The following RAP1A variants were observed in gnomAD, a reference collection of about 807,000 sequenced individuals.
RAP1A encodes RAP1A, member of RAS oncogene family.
In RAP1A, 6 loss-of-function variants were observed where a neutral mutation model predicts 26.4. That is an observed-to-expected ratio of 0.23 (90% CI 0.12 to 0.45). The LOEUF (loss-of-function observed/expected upper bound fraction) is 0.45. Among genes scored for constraint, RAP1A ranks in the 20% least tolerant of loss-of-function variants. The pLI is 0.99. For synonymous variants in RAP1A, 73 were observed against 79.4 expected, an observed-to-expected ratio of 0.92 and a Z score of 0.43; for missense variants, 121 against 217.2, an observed-to-expected ratio of 0.56 and a Z score of 2.78.
rs190645143 is a variant in RAP1A, at chr1:111,687,253, G to A, written c.-27-4081G>A. On this transcript the variant is annotated intron_variant, in intron 1 of 7. Transcript: ENST00000369709. ...CATGGAGTCTCGCTCTGTTGCCCAG[G>A]GTGGAGTGCAGTGGCATAATCTTGG... Among the ~76,000 whole-genome samples the A allele has an allele frequency of 6.0e-4, 91 of 150,506 alleles. 1 individual carries two copies. The highest frequency in any genetic ancestry group is 1.5e-5 in the Non-Finnish European group (1 of 67,782).
intron 6 of RAP1A, chr1:111,706,671 A>G (rs548615279): frequency 1.3e-4 from 127 of 973,570 alleles, no homozygotes; most frequent in South Asian, 2.8e-4. Flanking sequence ...AGATTTTTCT[A>G]TAGTTCAGAG....
chr1:111,573,711 A>G (rs1053345538), intron 1 of RAP1A, among the ~76,000 whole-genome samples: 1 of 152,088 alleles, frequency 6.6e-6, no homozygotes, highest in Non-Finnish European at 1.5e-5. Flanking sequence ...TTCTCTAATG[A>G]TCAGTGATAT....
intron 1 of RAP1A, among the ~76,000 whole-genome samples, chr1:111,592,517 G>A (rs145687170): frequency 5.3e-5 from 8 of 152,284 alleles, no homozygotes; most frequent in Admixed American, 2.6e-4. Context: ...TGTAGGCCAC[G>A]CTTGACAGTC....
At chr1:111,583,679 TA>T (rs1432128820) in intron 1 of RAP1A, among the ~76,000 whole-genome samples, 1 of 151,960 alleles carries the variant, frequency 6.6e-6, no homozygotes, top group African/African-American at 2.4e-5. Flanking sequence ...AAAGCTGAAC[TA>T]AAAAATAGAC....
Position 111,608,424 on chromosome 1 carries a change from G to A in RAP1A, c.-28+65915G>A, listed in dbSNP as rs562585620. 59 of 168,168 alleles carry A rather than the reference G, an allele frequency of 3.5e-4. No individual in the cohort carries two copies. In the South Asian group the frequency reaches 4.1e-3, roughly 12 times the overall value. 10.4% of individuals were successfully genotyped at this position (168,168 alleles called of 1,614,324 possible). A position where few individuals can be genotyped will look rare whatever the true frequency, so the allele number is the denominator to read the frequency against. ...CGCTCCTCACTTTCCAGACTGGGCA[G>A]CCAGGCAGAGGGGCTCCTCACGTCC... is the stretch of plus-strand genomic sequence containing the variant. On this transcript the variant is annotated intron_variant, in intron 1 of 7. Coordinates refer to the RAP1A transcript ENST00000356415.
intron 1 of RAP1A, among the ~76,000 whole-genome samples, chr1:111,640,559 G>A (rs1557874645): frequency 6.6e-6 from 1 of 152,142 alleles, no homozygotes; most frequent in Non-Finnish European, 1.5e-5. Flanking sequence ...TTTCAGGAAA[G>A]TATTAAATAA....
At chr1:111,628,585 C>T (rs1659471510) in intron 1 of RAP1A, among the ~76,000 whole-genome samples, 3 of 152,018 alleles carry the variant, frequency 2.0e-5, no homozygotes, top group South Asian at 2.1e-4. Context: ...CAGATGAATT[C>T]GCTTGTAGAG....
intron 1 of RAP1A, among the ~76,000 whole-genome samples, chr1:111,578,856 T>G (rs1658195057): frequency 6.6e-6 from 1 of 152,240 alleles, no homozygotes; most frequent in African/African-American, 2.4e-5. Context: ...ACCAACCGGC[T>G]ATAAACTGAG....
rs1657438873 is a variant in RAP1A at position 111,555,303 on chromosome 1, T to C, written c.-28+12794T>C. 2.2e-5 allele frequency among the ~76,000 whole-genome samples: 3 copies of C among 138,464 alleles called. No homozygotes were observed. In the Admixed American group the frequency reaches 2.4e-4, roughly 11 times the overall value. 90.8% of individuals were successfully genotyped at this position (138,464 alleles called of 152,430 possible). On this transcript the variant is annotated intron_variant, in intron 1 of 7. Coordinates refer to the RAP1A transcript ENST00000356415. ...ATTGCTTGAACCCAGGAGGCTGAGG[T>C]TGCAGTGAGCCAAGATTGTGCCACT...
At chr1:111,687,220 T>A (rs1661512615) in intron 1 of RAP1A, among the ~76,000 whole-genome samples, 1 of 151,360 alleles carries the variant, frequency 6.6e-6, no homozygotes, top group South Asian at 2.1e-4. Flanking sequence ...TTTTTTTTTT[T>A]TTTTTGACAT....
intron 1 of RAP1A, among the ~76,000 whole-genome samples, chr1:111,561,201 G>A (rs1657722577): frequency 6.6e-6 from 1 of 152,204 alleles, no homozygotes. Flanking sequence ...GTGGCTCACT[G>A]CATCCTCAAC....
chr1:111,594,279 C>T (rs1658520984), intron 1 of RAP1A, among the ~76,000 whole-genome samples: 1 of 151,966 alleles, frequency 6.6e-6, no homozygotes, highest in Non-Finnish European at 1.5e-5. Context: ...AGATTCACAC[C>T]CTAGGCAACA....
intron 1 of RAP1A, among the ~76,000 whole-genome samples, chr1:111,591,893 T>C (rs1163310898): frequency 1.3e-5 from 2 of 152,208 alleles, no homozygotes; most frequent in Non-Finnish European, 2.9e-5. Flanking sequence ...AATCATGAGA[T>C]TTATCATGAA....
intron 1 of RAP1A, among the ~76,000 whole-genome samples, chr1:111,580,649 C>T (rs1557857003): frequency 6.6e-6 from 1 of 152,054 alleles, no homozygotes; most frequent in Non-Finnish European, 1.5e-5. Context: ...GAGTTTGAGA[C>T]CAGCCTGGCC....
At chr1:111,653,113 C>T (rs1447571362) in intron 1 of RAP1A, among the ~76,000 whole-genome samples, 7 of 152,110 alleles carry the variant, frequency 4.6e-5, no homozygotes, top group South Asian at 2.1e-4. Context: ...ACTTCAACAT[C>T]GATGAACCTT....
intron 1 of RAP1A, among the ~76,000 whole-genome samples, chr1:111,548,565 G>A (rs2101032513): frequency 6.6e-6 from 1 of 152,314 alleles, no homozygotes; most frequent in Non-Finnish European, 1.5e-5. Context: ...TCAGAACTGG[G>A]TAAGCTGAAC....
intron 1 of RAP1A, among the ~76,000 whole-genome samples, chr1:111,624,453 ATAATT>A (rs1659329421): frequency 6.6e-6 from 1 of 152,226 alleles, no homozygotes; most frequent in Non-Finnish European, 1.5e-5. Flanking sequence ...TTTGCACTGC[ATAATT>A]CACATTCTCT....
upstream of RAP1A, among the ~76,000 whole-genome samples, chr1:111,619,302 C>T (rs1007415245): frequency 6.6e-6 from 1 of 152,112 alleles, no homozygotes; most frequent in African/African-American, 2.4e-5. Context: ...GTAAAGTCAC[C>T]CTATCCTCTG....
intron 7 of RAP1A, among the ~76,000 whole-genome samples, chr1:111,709,906 A>G (rs543893730): frequency 1.3e-5 from 2 of 152,274 alleles, no homozygotes; most frequent in South Asian, 4.1e-4. Context: ...GTGTTCATTT[A>G]AGTTCTTTCT....
Sources: allele counts gnomAD v4.1 joint callset (sites outside exome capture counted in the v4.1 genomes callset), GRCh38; gene constraint gnomAD v4.1.1; transcripts MANE v1.5; gene names NCBI Gene and HGNC (gene_info 2026-07-23, HGNC 2026-07-21).